The following NR3C2 variants were observed in gnomAD, a reference collection of about 807,000 sequenced individuals.
The protein encoded by NR3C2 is mineralocorticoid receptor.
A neutral mutation model predicts 86.4 loss-of-function variants in NR3C2; 15 were observed. The ratio of observed to expected loss-of-function variants is 0.17; its 90% confidence interval spans 0.12 to 0.27. The LOEUF (loss-of-function observed/expected upper bound fraction) is 0.27, where lower values mean the gene tolerates loss of function less well. Ranked by LOEUF, NR3C2 falls within the 10% of genes least tolerant of loss-of-function variation. The probability of loss-of-function intolerance (pLI) is 1.00; values close to 1 mark genes in which losing one functional copy is unlikely to be tolerated. For missense variants in NR3C2, 960 were observed against 1,195.6 expected (o/e 0.80, Z 2.91); for synonymous variants, 458 against 450.5 (o/e 1.02, Z -0.21).
chr4:148,255,307 C>T (rs1358803673), intron 3 of NR3C2, among the ~76,000 whole-genome samples: 1 of 152,176 alleles, frequency 6.6e-6, no homozygotes, highest in African/African-American at 2.4e-5. Flanking sequence ...AATACACAAT[C>T]ATAAATTTAA....
At chr4:148,279,506 A>T (rs1741132260) in intron 2 of NR3C2, among the ~76,000 whole-genome samples, 1 of 152,210 alleles carries the variant, frequency 6.6e-6, no homozygotes, top group Non-Finnish European at 1.5e-5. Flanking sequence ...CTAACAATTC[A>T]AAATTAAAAT....
At position 148,081,305 on chromosome 4, in the gene NR3C2, A is replaced by G; in HGVS notation, c.*39T>C. The G allele has an allele frequency of 6.2e-7, 1 of 1,614,082 alleles. No homozygotes were observed. Among genetic ancestry groups the G allele is most frequent in the Non-Finnish European group, 8.5e-7 (1 of 1,179,930 alleles). On this transcript the variant is annotated 3_prime_UTR_variant, in exon 9 of 9. Transcript: ENST00000358102. ...GGTCCTTCTGGGTGTGGAACAACAC[A>G]GGGAAACTTAAGGCAAAGTTCTTCT...
At chr4:148,172,820 A>G (rs1458460292) in intron 4 of NR3C2, among the ~76,000 whole-genome samples, 2 of 152,248 alleles carry the variant, frequency 1.3e-5, no homozygotes, top group Non-Finnish European at 2.9e-5. Flanking sequence ...GATGAGTGCT[A>G]TAATAAAGGC....
At chr4:148,334,274 G>A (rs1744373812) in intron 2 of NR3C2, among the ~76,000 whole-genome samples, 1 of 152,216 alleles carries the variant, frequency 6.6e-6, no homozygotes, top group South Asian at 2.1e-4. Context: ...CAGGCGCGGT[G>A]GCTCACGCCT....
chr4:148,200,809 T>C (rs1300998254), intron 3 of NR3C2, among the ~76,000 whole-genome samples: 1 of 152,196 alleles, frequency 6.6e-6, no homozygotes, highest in Non-Finnish European at 1.5e-5. Context: ...TTATTACTAT[T>C]ATCATGTACT....
intron 4 of NR3C2, among the ~76,000 whole-genome samples, chr4:148,192,288 G>A (rs1388179367): frequency 1.3e-5 from 2 of 152,162 alleles, no homozygotes; most frequent in Non-Finnish European, 2.9e-5. Flanking sequence ...ACCTGGCTCC[G>A]GGCTGGCATT....
chr4:148,200,400 CAAGG>C (rs1736664024), intron 3 of NR3C2, among the ~76,000 whole-genome samples: 1 of 151,602 alleles, frequency 6.6e-6, no homozygotes, highest in Non-Finnish European at 1.5e-5. Flanking sequence ...TTTAAAGCTA[CAAGG>C]AGTTGCATGA....
At chr4:148,397,438 T>G (rs959994401) in intron 2 of NR3C2, among the ~76,000 whole-genome samples, 5 of 152,228 alleles carry the variant, frequency 3.3e-5, no homozygotes, top group African/African-American at 7.2e-5. Context: ...CTTTGGCCAG[T>G]CAGATAATCT....
intron 4 of NR3C2, among the ~76,000 whole-genome samples, chr4:148,185,718 G>A (rs1206318598): frequency 6.6e-6 from 1 of 151,964 alleles, no homozygotes; most frequent in African/African-American, 2.4e-5. Context: ...TTCTAAAATA[G>A]CATATTTTGT....
chr4:148,443,672 A>G (rs1187518627), upstream of NR3C2, among the ~76,000 whole-genome samples: 1 of 152,198 alleles, frequency 6.6e-6, no homozygotes, highest in African/African-American at 2.4e-5. Flanking sequence ...AGTCAGCATC[A>G]GTGACGTATA....
Position 148,081,223 on chromosome 4 carries a change from G to C in NR3C2, c.*121C>G. On this transcript the variant is annotated 3_prime_UTR_variant, in exon 9 of 9. Coordinates refer to ENST00000358102, the MANE Select transcript of NR3C2 (RefSeq NM_000901.5). ...AAACCTCTGACATGACTTTAAACTT[G>C]AGAAACTGTTGAACAAGTGTGAATC... is the stretch of plus-strand genomic sequence containing the variant. The C allele has an allele frequency of 1.5e-6, 2 of 1,375,912 alleles. No individual in the cohort carries two copies. Among genetic ancestry groups the C allele is most frequent in the Non-Finnish European group, 2.0e-6 (2 of 979,712 alleles). The allele number at this position is 1,375,912 out of a possible 1,614,324, so 85.2% of individuals were successfully genotyped here. A position where few individuals can be genotyped will look rare whatever the true frequency, so the allele number is the denominator to read the frequency against.
At chr4:148,335,886 A>T (rs1744461858) in intron 2 of NR3C2, among the ~76,000 whole-genome samples, 2 of 152,268 alleles carry the variant, frequency 1.3e-5, no homozygotes, top group African/African-American at 4.8e-5. Context: ...AATGAAAAAA[A>T]CAGTTGTCAG....
At chr4:148,165,839 C>T (rs143677410) in intron 4 of NR3C2, among the ~76,000 whole-genome samples, 75 of 152,170 alleles carry the variant, frequency 4.9e-4, no homozygotes, top group African/African-American at 7.5e-4. Context: ...TTTACAAATG[C>T]AAGACAAAAG....
At chr4:148,202,097 A>C (rs1481414951) in intron 3 of NR3C2, among the ~76,000 whole-genome samples, 4 of 152,236 alleles carry the variant, frequency 2.6e-5, no homozygotes, top group Non-Finnish European at 1.5e-5. Context: ...CTGACTTATC[A>C]CACATTGGGA....
chr4:148,103,062 T>C (rs955870866), intron 8 of NR3C2, among the ~76,000 whole-genome samples: 1 of 152,066 alleles, frequency 6.6e-6, no homozygotes, highest in Non-Finnish European at 1.5e-5. Context: ...ATCAGCATGC[T>C]TCTCCCTCCC....
At chr4:148,233,688 G>C (rs1427540359) in intron 3 of NR3C2, among the ~76,000 whole-genome samples, 3 of 152,116 alleles carry the variant, frequency 2.0e-5, no homozygotes, top group Middle Eastern at 3.2e-3. Context: ...TCTGAGGAGA[G>C]GAAGAGAGAT....
At chr4:148,221,587 AG>A (rs1737846760) in intron 3 of NR3C2, among the ~76,000 whole-genome samples, 1 of 152,182 alleles carries the variant, frequency 6.6e-6, no homozygotes, top group African/African-American at 2.4e-5. Flanking sequence ...TCTACTGGGA[AG>A]TCAGTTTAGA....
intron 2 of NR3C2, among the ~76,000 whole-genome samples, chr4:148,314,071 A>G (rs1226270797): frequency 6.6e-6 from 1 of 152,202 alleles, no homozygotes; most frequent in Non-Finnish European, 1.5e-5. Flanking sequence ...CATGTGACTA[A>G]GGAATCACAA....
chr4:148,207,301 A>T (rs1314938789), intron 3 of NR3C2, among the ~76,000 whole-genome samples: 2 of 152,180 alleles, frequency 1.3e-5, no homozygotes, highest in Non-Finnish European at 2.9e-5. Context: ...GCCAGCAGTG[A>T]TGGCAGGATT....
Sources: gnomAD v4.1 joint callset for allele counts (sites outside exome capture counted in the v4.1 genomes callset) on GRCh38, gnomAD v4.1.1 for gene constraint, MANE v1.5 for transcripts, NCBI Gene and HGNC (gene_info 2026-07-23, HGNC 2026-07-21) for gene names.